Variants in ITGA9 observed in about 807,000 individuals in gnomAD.
The protein encoded by ITGA9 is integrin subunit alpha 9.
Under a neutral mutation model 127.8 loss-of-function variants are expected in ITGA9, and 56 were observed. That is an observed-to-expected ratio of 0.44 (90% confidence interval 0.35 to 0.55). ITGA9 has a LOEUF of 0.55. Among genes scored for constraint, ITGA9 ranks in the 20% least tolerant of loss-of-function variants. The pLI, the probability that ITGA9 is intolerant of heterozygous loss-of-function variation, is 0.00. For missense variants in ITGA9, 1,196 were observed against 1,347.1 expected, an observed-to-expected ratio of 0.89 and a Z score of 1.76; for synonymous variants, 508 against 514.5, an observed-to-expected ratio of 0.99 and a Z score of 0.17.
At chr3:37,683,435 T>C (rs555965960) in intron 17 of ITGA9, among the ~76,000 whole-genome samples, 1 of 152,346 alleles carries the variant, frequency 6.6e-6, no homozygotes, top group South Asian at 2.1e-4. Context: ...CATATTTGCT[T>C]CTTTCTATGT....
At chr3:37,612,983 T>G (rs1700038113) in intron 15 of ITGA9, among the ~76,000 whole-genome samples, 3 of 151,956 alleles carry the variant, frequency 2.0e-5, no homozygotes, top group South Asian at 2.1e-4. Flanking sequence ...TTAATTATAC[T>G]TTAAGTTTTA....
chr3:37,478,122 T>G (rs1284412033), intron 3 of ITGA9, among the ~76,000 whole-genome samples: 1 of 152,174 alleles, frequency 6.6e-6, no homozygotes, highest in East Asian at 1.9e-4. Context: ...CCAATGCCCC[T>G]CCTGGCCACT....
intron 17 of ITGA9, among the ~76,000 whole-genome samples, chr3:37,671,676 T>C (rs907300469): frequency 6.6e-6 from 1 of 152,130 alleles, no homozygotes; most frequent in African/African-American, 2.4e-5. Context: ...AGAAATTCAG[T>C]CCCAGGAATG....
chr3:37,623,922 A>G (rs906555644), intron 15 of ITGA9, among the ~76,000 whole-genome samples: 2 of 152,168 alleles, frequency 1.3e-5, no homozygotes, highest in Non-Finnish European at 2.9e-5. Context: ...TCTCGTTTCT[A>G]GGAGTGTCTA....
chr3:37,523,395 C>CTTT, intron 11 of ITGA9, 126 bp from the exon 12 acceptor site: 2 of 582,384 alleles, frequency 3.4e-6, no homozygotes, highest in South Asian at 2.0e-5. Flanking sequence ...ATTAGGATTA[C>CTTT]TTTTTTTTTT....
intron 14 of ITGA9, among the ~76,000 whole-genome samples, 175 bp from the exon 15 acceptor site, chr3:37,542,250 G>T (rs1160603216): frequency 1.3e-5 from 2 of 152,100 alleles, no homozygotes; most frequent in East Asian, 3.9e-4. Flanking sequence ...GATTCTTTGA[G>T]CACCCTGGCT....
chr3:37,636,364 G>C (rs1700278681), intron 16 of ITGA9, among the ~76,000 whole-genome samples: 1 of 152,188 alleles, frequency 6.6e-6, no homozygotes, highest in South Asian at 2.1e-4. Flanking sequence ...GTTTTGATTT[G>C]CATTTCTCTG....
chr3:37,475,282 G>C (rs1334878278), intron 3 of ITGA9, among the ~76,000 whole-genome samples: 1 of 152,238 alleles, frequency 6.6e-6, no homozygotes, highest in Non-Finnish European at 1.5e-5. Context: ...CAAAAAGGAG[G>C]TGGTGGCCCC....
chr3:37,731,230 A>T (rs985956040), intron 18 of ITGA9, among the ~76,000 whole-genome samples: 1 of 152,016 alleles, frequency 6.6e-6, no homozygotes, highest in Non-Finnish European at 1.5e-5. Flanking sequence ...TTATTTATTT[A>T]TTTTTTAGAC....
chr3:37,659,141 G>T (rs1015359428), intron 17 of ITGA9, among the ~76,000 whole-genome samples: 8 of 152,132 alleles, frequency 5.3e-5, no homozygotes, highest in African/African-American at 1.9e-4. Context: ...TGGTGAATCT[G>T]ATGATTATGT....
intron 26 of ITGA9, among the ~76,000 whole-genome samples, chr3:37,793,645 G>C (rs1697140286): frequency 6.6e-6 from 1 of 152,020 alleles, no homozygotes; most frequent in African/African-American, 2.4e-5. Flanking sequence ...TGAGATGAGG[G>C]CATCATGTAA....
intron 17 of ITGA9, among the ~76,000 whole-genome samples, chr3:37,675,263 G>T (rs962562776): frequency 2.6e-5 from 4 of 152,130 alleles, no homozygotes; most frequent in Admixed American, 2.6e-4. Context: ...CCACAAATGG[G>T]ATAACTCTGT....
intron 26 of ITGA9, among the ~76,000 whole-genome samples, chr3:37,786,223 A>G (rs757422538): frequency 2.0e-5 from 3 of 152,170 alleles, no homozygotes; most frequent in Non-Finnish European, 2.9e-5. Flanking sequence ...ATAAGTTTAT[A>G]ATGATTTTGT....
At chr3:37,601,316 G>A (rs946218885) in intron 15 of ITGA9, among the ~76,000 whole-genome samples, 2 of 152,204 alleles carry the variant, frequency 1.3e-5, no homozygotes, top group Non-Finnish European at 2.9e-5. Context: ...GCAGAAGGGT[G>A]CAATGTGAAC....
At chr3:37,483,921 A>G (rs773096920) in intron 4 of ITGA9, among the ~76,000 whole-genome samples, 16 of 152,188 alleles carry the variant, frequency 1.1e-4, no homozygotes, top group Non-Finnish European at 1.8e-4. Context: ...TCAGCAAACC[A>G]TTTTGTGTCC....
chr3:37,791,523 C>G (rs969878375), intron 26 of ITGA9, among the ~76,000 whole-genome samples: 3 of 152,180 alleles, frequency 2.0e-5, no homozygotes, highest in African/African-American at 7.2e-5. Flanking sequence ...TAGGCTGCGT[C>G]CAGGCGCAGG....
chr3:37,595,897 T>G (rs1003805151), intron 15 of ITGA9, among the ~76,000 whole-genome samples: 1 of 152,306 alleles, frequency 6.6e-6, no homozygotes, highest in East Asian at 1.9e-4. Flanking sequence ...CATTTGTGTG[T>G]CTCAGCATGG....
rs1220224468 is a variant in ITGA9, at chr3:37,533,453, G to A, written c.1513G>A (p.Val505Ile). Residue 505 changes from valine (V) to isoleucine (I), a missense_variant, in exon 14 of 28, where the codon GTT becomes ATT. Coordinates refer to ENST00000264741, the MANE Select transcript of ITGA9 (RefSeq NM_002207.3). ...CTGCTTCAGCTTCCATGGCAAACAC[G>A]TTCCAGGAGAGATTGGTAATGAGCC... ...TTCFSFHGKH[V>I]PGEIGLNYVL... The A allele has an allele frequency of 3.7e-6, 6 of 1,614,124 alleles. No homozygotes were observed. The highest frequency in any genetic ancestry group is 2.2e-5 in the East Asian group (1 of 44,870).
intron 16 of ITGA9, among the ~76,000 whole-genome samples, chr3:37,634,338 G>C (rs1347778406): frequency 6.7e-6 from 1 of 148,230 alleles, no homozygotes; most frequent in Non-Finnish European, 1.5e-5. Flanking sequence ...CAAAAAACAA[G>C]ACCTAACTAT....
Sources: allele counts gnomAD v4.1 joint callset (sites outside exome capture counted in the v4.1 genomes callset), GRCh38; gene constraint gnomAD v4.1.1; transcripts MANE v1.5; gene names NCBI Gene and HGNC (gene_info 2026-07-23, HGNC 2026-07-21).